The following MAGI1 variants were observed in gnomAD, a reference collection of about 807,000 sequenced individuals.
The protein encoded by MAGI1 is membrane-associated guanylate kinase, WW and PDZ domain-containing protein 1.
In MAGI1, 58 loss-of-function variants were observed where a neutral mutation model predicts 139.9. The ratio of observed to expected loss-of-function variants is 0.41; its 90% CI spans 0.34 to 0.52. MAGI1 has a LOEUF of 0.52. Among genes scored for constraint, MAGI1 ranks in the 20% least tolerant of loss-of-function variants. MAGI1 has a pLI of 0.12. For synonymous variants in MAGI1, 812 were observed against 737.9 expected (o/e 1.10, Z -1.63); for missense variants, 1,874 against 1,901.6 (o/e 0.99, Z 0.27).
chr3:65,959,709 C>T (rs976064049), intron 1 of MAGI1, among the ~76,000 whole-genome samples: 2 of 148,528 alleles, frequency 1.3e-5, no homozygotes, highest in Non-Finnish European at 3.0e-5. Flanking sequence ...AAGTGATCCT[C>T]CCATCTCAGC....
intron 2 of MAGI1, among the ~76,000 whole-genome samples, chr3:65,506,016 AG>A (rs2077271359): frequency 1.3e-5 from 2 of 152,326 alleles, no homozygotes; most frequent in African/African-American, 4.8e-5. Context: ...GGGAACTTAA[AG>A]AGTGAAATCA....
At chr3:65,705,077 A>T (rs2029939350) in intron 1 of MAGI1, among the ~76,000 whole-genome samples, 1 of 152,116 alleles carries the variant, frequency 6.6e-6, no homozygotes, top group African/African-American at 2.4e-5. Flanking sequence ...AATACTAGAT[A>T]GGACAGAAAT....
At chr3:65,934,367 G>T (rs1358711967) in intron 1 of MAGI1, among the ~76,000 whole-genome samples, 1 of 151,792 alleles carries the variant, frequency 6.6e-6, no homozygotes, top group Non-Finnish European at 1.5e-5. Context: ...AAAATGGTAG[G>T]ATTATAGGCA....
intron 1 of MAGI1, among the ~76,000 whole-genome samples, chr3:65,919,260 C>T (rs2062053457): frequency 6.6e-6 from 1 of 152,198 alleles, no homozygotes. Flanking sequence ...ACTTCTTAAC[C>T]TCCAAAATGC....
At chr3:65,897,295 GGGCCAA>G (rs1170019471) in intron 1 of MAGI1, among the ~76,000 whole-genome samples, 4 of 151,960 alleles carry the variant, frequency 2.6e-5, no homozygotes, top group Admixed American at 6.6e-5. Flanking sequence ...ACACTTTGAG[GGGCCAA>G]GGCAGGAGGA....
chr3:65,418,817 TCCAG>T (rs1946421981), intron 12 of MAGI1, among the ~76,000 whole-genome samples: 1 of 151,358 alleles, frequency 6.6e-6, no homozygotes. Flanking sequence ...CTCCAGCCTC[TCCAG>T]CCCGACTGCA....
intron 1 of MAGI1, among the ~76,000 whole-genome samples, chr3:66,023,000 T>C (rs773762863): frequency 1.8e-4 from 27 of 152,158 alleles, no homozygotes; most frequent in Non-Finnish European, 2.9e-4. Flanking sequence ...TGCCACATTA[T>C]CCTTGAGCAT....
intron 1 of MAGI1, among the ~76,000 whole-genome samples, chr3:65,990,996 A>T (rs1029555400): frequency 6.6e-6 from 1 of 151,954 alleles, no homozygotes; most frequent in Non-Finnish European, 1.5e-5. Context: ...CTAAAAAATA[A>T]AAGTAAATGA....
intron 1 of MAGI1, among the ~76,000 whole-genome samples, chr3:65,708,436 C>A (rs532665448): frequency 6.6e-6 from 1 of 152,278 alleles, no homozygotes; most frequent in South Asian, 2.1e-4. Flanking sequence ...AGGTGACAGA[C>A]CCCTCAGAGA....
At chr3:65,704,068 G>T (rs541671008) in intron 1 of MAGI1, among the ~76,000 whole-genome samples, 205 of 152,254 alleles carry the variant, frequency 1.3e-3, no homozygotes, top group African/African-American at 4.8e-3. Flanking sequence ...TAGCACAGGG[G>T]ATGAGAAGAG....
At position 65,478,634 on chromosome 3, in the gene MAGI1, C is replaced by T; in HGVS notation, c.715G>A (p.Glu239Lys). Residue 239 changes from glutamate to lysine, a missense_variant, in exon 4 of 23, where the codon GAG becomes AAG. Around this residue, in one of 5 missense-constraint regions of MAGI1, gnomAD observed 648 missense variants for 598.1 expected, o/e 1.08. Coordinates refer to ENST00000402939, the MANE Select transcript of MAGI1 (RefSeq NM_001033057.2). ...ATTTCAGGAACGTCATCCTCCTCCT[C>T]ATTCTCCGCGTGGACTATGCCAGCA... ...QNAGIVHAEN[E>K]EEDDVPEMNS... The T allele has an allele frequency of 6.2e-7, 1 of 1,614,096 alleles. No homozygotes were observed. The highest frequency in any genetic ancestry group is 8.5e-7 in the Non-Finnish European group (1 of 1,179,998).
intron 1 of MAGI1, among the ~76,000 whole-genome samples, chr3:65,642,877 G>A (rs1470781832): frequency 2.6e-5 from 4 of 152,218 alleles, no homozygotes; most frequent in Non-Finnish European, 5.9e-5. Context: ...TTTCTCTAGA[G>A]AAGACTTCTG....
intron 1 of MAGI1, among the ~76,000 whole-genome samples, chr3:65,798,251 C>G (rs1248290623): frequency 6.6e-6 from 1 of 152,028 alleles, no homozygotes; most frequent in Non-Finnish European, 1.5e-5. Context: ...TTGCCGTGAG[C>G]CGAGATCACA....
intron 2 of MAGI1, among the ~76,000 whole-genome samples, chr3:65,536,281 A>G (rs2078956016): frequency 1.3e-5 from 2 of 152,178 alleles, no homozygotes; most frequent in African/African-American, 4.8e-5. Context: ...CTAGCATACT[A>G]TAGATTCCTA....
intron 1 of MAGI1, among the ~76,000 whole-genome samples, chr3:66,031,599 G>A (rs975533449): frequency 1.3e-5 from 2 of 152,002 alleles, no homozygotes; most frequent in Non-Finnish European, 2.9e-5. Flanking sequence ...AACCTGTACA[G>A]TGTTCCACAG....
At chr3:65,752,115 T>G (rs1281174400) in intron 1 of MAGI1, among the ~76,000 whole-genome samples, 1 of 152,130 alleles carries the variant, frequency 6.6e-6, no homozygotes, top group Non-Finnish European at 1.5e-5. Context: ...GGCTAAATTT[T>G]TTTTTGTATT....
At chr3:66,013,476 T>TA (rs2067450649) in intron 1 of MAGI1, among the ~76,000 whole-genome samples, 1 of 143,384 alleles carries the variant, frequency 7.0e-6, no homozygotes, top group Admixed American at 7.0e-5. Flanking sequence ...AAGAAAAAGA[T>TA]AGAGGCCAGA....
chr3:65,616,965 G>T (rs1192442798), intron 2 of MAGI1, among the ~76,000 whole-genome samples: 2 of 152,204 alleles, frequency 1.3e-5, no homozygotes, highest in African/African-American at 2.4e-5. Context: ...AGAGAAAACT[G>T]TAAGTTCAAA....
chr3:65,490,199 G>C (rs1220476369), intron 3 of MAGI1, among the ~76,000 whole-genome samples: 1 of 152,150 alleles, frequency 6.6e-6, no homozygotes, highest in Non-Finnish European at 1.5e-5. Context: ...TCCAATTATT[G>C]TCTCATTTAG....
Sources: allele counts gnomAD v4.1 joint callset (sites outside exome capture counted in the v4.1 genomes callset), GRCh38; gene constraint gnomAD v4.1.1; regional missense constraint gnomAD v4.1.1; transcripts MANE v1.5; gene names NCBI Gene and HGNC (gene_info 2026-07-23, HGNC 2026-07-21).